PCDHAC2: variants seen among roughly 807,000 people sequenced by gnomAD.
PCDHAC2 encodes protocadherin alpha-C2.
In PCDHAC2, 24 loss-of-function variants were observed where a neutral mutation model predicts 63.3. The observed-to-expected ratio is 0.38, with a 90% confidence interval of 0.27 to 0.53. The LOEUF is 0.53. PCDHAC2 is among the 20% of genes least tolerant of loss of function. PCDHAC2 has a pLI of 0.81. For synonymous variants in PCDHAC2, 569 were observed against 529.4 expected, an observed-to-expected ratio of 1.07 and a Z score of -1.03; for missense variants, 1,181 against 1,275.2, an observed-to-expected ratio of 0.93 and a Z score of 1.12.
chr5:141,010,030 C>CTAG lies in PCDHAC2; in HGVS notation c.*93_*94insTAG. The stretch of plus-strand genomic sequence containing the variant: ...ATTCCCTGCTCCTTTTTCCTATCTA[C>CTAG]ATGAGCCCTCTTAGAGACCTCAGAA... On this transcript the variant is annotated 3_prime_UTR_variant, in exon 4 of 4. Coordinates refer to ENST00000289269, the MANE Select transcript of PCDHAC2 (RefSeq NM_018899.6). 1 of 1,580,910 alleles carries CTAG rather than the reference C, an allele frequency of 6.3e-7. No homozygotes were observed. Among genetic ancestry groups the CTAG allele is most frequent in the Admixed American group, 1.8e-5 (1 of 54,776 alleles).
At position 140,972,838 on chromosome 5, in the gene PCDHAC2, A is replaced by G. The variant is rs181315236; in HGVS notation, c.2565+3507A>G. Among the ~76,000 whole-genome samples the G allele has an allele frequency of 2.0e-4, 30 of 151,814 alleles. No individual in the cohort carries two copies. In the East Asian group the frequency reaches 5.8e-3, roughly 30 times the overall value. The stretch of plus-strand genomic sequence containing the variant: ...GCCACCACGCCTGGCTAATTTTTGT[A>G]TTTTTAGTAGAGATGGGGTTTCATC... On this transcript the variant is annotated intron_variant, in intron 1 of 3. Transcript: ENST00000289269.
chr5:140,990,984 A>G (rs1213067851), intron 3 of PCDHAC2, among the ~76,000 whole-genome samples: 4 of 152,200 alleles, frequency 2.6e-5, no homozygotes, highest in Admixed American at 6.5e-5. Context: ...AAGGAAGACA[A>G]TAGCTACCAT....
intron 3 of PCDHAC2, among the ~76,000 whole-genome samples, chr5:140,996,886 T>C (rs1396322934): frequency 6.6e-6 from 1 of 152,218 alleles, no homozygotes; most frequent in Non-Finnish European, 1.5e-5. Context: ...TATTTTTAAA[T>C]AAAATAGAAT....
At chr5:140,996,929 C>T (rs1437008519) in intron 3 of PCDHAC2, among the ~76,000 whole-genome samples, 2 of 152,070 alleles carry the variant, frequency 1.3e-5, no homozygotes, top group African/African-American at 2.4e-5. Flanking sequence ...AAAAATATAG[C>T]ATTTTTGCAT....
intron 2 of PCDHAC2, among the ~76,000 whole-genome samples, chr5:140,980,367 C>A (rs1245361324): frequency 2.6e-5 from 4 of 152,174 alleles, no homozygotes; most frequent in Non-Finnish European, 5.9e-5. Flanking sequence ...CGCGGTGGCT[C>A]ACACCTGTAA....
At chr5:140,981,643 G>A (rs998815671) in intron 2 of PCDHAC2, among the ~76,000 whole-genome samples, 3 of 151,992 alleles carry the variant, frequency 2.0e-5, no homozygotes, top group African/African-American at 7.3e-5. Context: ...TTTTCTCTTA[G>A]GATCCCACTT....
intron 1 of PCDHAC2, among the ~76,000 whole-genome samples, chr5:140,971,045 T>G (rs2096453995): frequency 6.6e-6 from 1 of 152,090 alleles, no homozygotes; most frequent in Non-Finnish European, 1.5e-5. Context: ...CGTAAAAGGG[T>G]TTAGCTTTAA....
At chr5:140,982,298 A>G (rs1371152402) in intron 2 of PCDHAC2, 177 bp from the exon 3 acceptor site, 12 of 1,189,736 alleles carry the variant, frequency 1.0e-5, no homozygotes, top group Admixed American at 5.6e-5. Flanking sequence ...TAAGTCAGCA[A>G]TGCTTCTGCA....
chr5:140,994,141 C>T (rs782520855), intron 3 of PCDHAC2, among the ~76,000 whole-genome samples: 1 of 152,256 alleles, frequency 6.6e-6, no homozygotes, highest in African/African-American at 2.4e-5. Context: ...TAATGCCCTA[C>T]GTAGGTAGGG....
chr5:140,968,173 C>T lies in PCDHAC2; in HGVS notation c.1407C>T (p.Phe469=), dbSNP rs782043932. The T allele has an allele frequency of 6.2e-6, 10 of 1,614,104 alleles. No individual in the cohort carries two copies. The highest frequency in any genetic ancestry group is 1.7e-5 in the Admixed American group (1 of 60,024). ...ISDINDNPPS[F]LEDSYSIYIQ... is the part of the protein sequence containing the mutation. ...ACATCAATGACAATCCACCAAGCTT[C>T]CTGGAGGACTCCTATTCCATCTACA... Residue 469 remains phenylalanine, a synonymous_variant, in exon 1 of 4, where the codon TTC becomes TTT. Coordinates refer to ENST00000289269, the MANE Select transcript of PCDHAC2 (RefSeq NM_018899.6).
At chr5:140,986,508 G>T (rs1043049646) in intron 3 of PCDHAC2, among the ~76,000 whole-genome samples, 26 of 152,184 alleles carry the variant, frequency 1.7e-4, no homozygotes, top group African/African-American at 5.3e-4. Context: ...TAAAAGGACT[G>T]CCCCTGCCTG....
In PCDHAC2 at chr5:140,968,207, A is replaced by C; in HGVS notation, c.1441A>C (p.Asn481His). 1 of 1,614,000 alleles carries C rather than the reference A, an allele frequency of 6.2e-7. No individual in the cohort carries two copies. Among genetic ancestry groups the C allele is most frequent in the Non-Finnish European group, 8.5e-7 (1 of 1,180,022 alleles). The change falls in exon 1 of 4, where the codon AAC becomes CAC. Residue 481 changes from asparagine to histidine, a missense_variant. Physicochemically the swap from Asn to His is moderately conservative, Grantham distance 68. Transcript: ENST00000289269. ...CTCCTATTCCATCTACATACAGGAG[A>C]ACAATTTGCCAGGTGTGTTGCTCTG... is the stretch of plus-strand genomic sequence containing the variant. ...EDSYSIYIQE[N>H]NLPGVLLCTV...
chr5:140,982,708 C>G (rs550422492), intron 3 of PCDHAC2, 145 bp downstream of exon 3: 1 of 1,373,770 alleles, frequency 7.3e-7, no homozygotes, highest in African/African-American at 1.5e-5. Flanking sequence ...GATTTCCTTA[C>G]ATATATGATT....
rs782271569 is a variant in PCDHAC2 at position 140,968,754 on chromosome 5, G to A, written c.1988G>A (p.Arg663Gln). The change falls in exon 1 of 4, where the codon CGA (arginine) becomes CAA (glutamine). Residue 663 changes from arginine to glutamine, a missense_variant. Arg to Gln is a conservative substitution (Grantham distance 43). This residue lies in a region of PCDHAC2 where 968 missense variants were observed against 1,073.5 expected (regional missense o/e 0.90). Transcript: ENST00000289269. Reference protein sequence around the residue: ...GSTFNLTVVVRDNGEPSLSAS... With the variant: ...GSTFNLTVVVQDNGEPSLSAS... ...ACTTTCAACCTGACCGTGGTGGTCC[G>A]AGATAATGGAGAGCCATCACTATCA... 1.2e-5 allele frequency: 19 copies of A among 1,614,052 alleles called. No individual in the cohort carries two copies. The highest frequency in any genetic ancestry group is 2.2e-5 in the South Asian group (2 of 91,078).
intron 1 of PCDHAC2, among the ~76,000 whole-genome samples, chr5:140,975,996 C>G (rs923472287): frequency 4.6e-5 from 7 of 152,064 alleles, no homozygotes; most frequent in African/African-American, 1.7e-4. Flanking sequence ...GAGGTACCAT[C>G]TAAGTATTAA....
At chr5:140,973,833 T>C (rs1332537198) in intron 1 of PCDHAC2, among the ~76,000 whole-genome samples, 1 of 152,242 alleles carries the variant, frequency 6.6e-6, no homozygotes, top group Non-Finnish European at 1.5e-5. Context: ...TCTGGGTACT[T>C]GCTTGTTGCC....
At chr5:140,982,660 T>C (rs2096994626) in intron 3 of PCDHAC2, 97 bp downstream of exon 3, 2 of 1,482,562 alleles carry the variant, frequency 1.3e-6, no homozygotes, top group South Asian at 2.7e-5. Context: ...CTCTTTTTCT[T>C]TTATATTTTT....
intron 3 of PCDHAC2, among the ~76,000 whole-genome samples, chr5:140,993,787 A>AT (rs1554253947): frequency 6.6e-6 from 1 of 152,196 alleles, no homozygotes; most frequent in Non-Finnish European, 1.5e-5. Context: ...GTACAGTAAC[A>AT]TGCTGTGCAG....
Position 140,968,378 on chromosome 5 carries a change from G to A in PCDHAC2, c.1612G>A (p.Asp538Asn), listed in dbSNP as rs782689152. 9.3e-6 allele frequency: 15 copies of A among 1,614,040 alleles called. No individual in the cohort carries two copies. Among genetic ancestry groups the A allele is most frequent in the Non-Finnish European group, 1.3e-5 (15 of 1,180,016 alleles). Residue 538 changes from aspartate (D) to asparagine (N), a missense_variant, in exon 1 of 4, where the codon GAC becomes AAC. Asp to Asn is a conservative substitution (Grantham distance 23). This residue lies in a region of PCDHAC2 where 968 missense variants were observed against 1,073.5 expected (regional missense o/e 0.90). Coordinates refer to ENST00000289269, the MANE Select transcript of PCDHAC2 (RefSeq NM_018899.6). ...SGSLYAVNSF[D>N]YEKFREFFVT... The stretch of plus-strand genomic sequence containing the variant: ...CAGCCTTTATGCTGTCAACTCCTTT[G>A]ACTATGAGAAGTTTCGGGAGTTCTT...
Sources: gnomAD v4.1 joint callset for allele counts (sites outside exome capture counted in the v4.1 genomes callset) on GRCh38, gnomAD v4.1.1 for gene constraint, gnomAD v4.1.1 regional missense constraint, MANE v1.5 for transcripts, NCBI Gene and HGNC (gene_info 2026-07-23, HGNC 2026-07-21) for gene names.